The following LHFPL6 variants were observed in gnomAD, a reference collection of about 807,000 sequenced individuals.
LHFPL6 encodes LHFPL tetraspan subfamily member 6, also known as LHFPL tetraspan subfamily member 6 protein.
In LHFPL6, 9 loss-of-function variants were observed where a neutral mutation model predicts 20.6. That is an observed-to-expected ratio of 0.44 (90% CI 0.26 to 0.76). The LOEUF (loss-of-function observed/expected upper bound fraction) is 0.76. Among genes scored for constraint, LHFPL6 ranks in the 30% least tolerant of loss-of-function variants. The pLI is 0.20. For synonymous variants in LHFPL6, 105 were observed against 98.7 expected, an observed-to-expected ratio of 1.06 and a Z score of -0.38; for missense variants, 218 against 253.5, an observed-to-expected ratio of 0.86 and a Z score of 0.95.
chr13:39,471,384 T>C (rs984291262), intron 2 of LHFPL6, among the ~76,000 whole-genome samples: 19 of 152,212 alleles, frequency 1.2e-4, no homozygotes, highest in African/African-American at 4.6e-4. Flanking sequence ...TCCTGGAAGA[T>C]ATTAATCAAT....
intron 2 of LHFPL6, among the ~76,000 whole-genome samples, chr13:39,573,056 C>T (rs1276811099): frequency 3.9e-5 from 6 of 152,088 alleles, no homozygotes; most frequent in Admixed American, 6.6e-5. Flanking sequence ...CTAAATGTAC[C>T]GCATACTGTT....
chr13:39,571,902 C>T (rs1440342954), intron 2 of LHFPL6, among the ~76,000 whole-genome samples: 2 of 152,206 alleles, frequency 1.3e-5, no homozygotes, highest in Non-Finnish European at 1.5e-5. Flanking sequence ...AGTGGCTGGC[C>T]GGATCCTACG....
At chr13:39,521,671 T>G (rs1188262054) in intron 2 of LHFPL6, among the ~76,000 whole-genome samples, 1 of 152,186 alleles carries the variant, frequency 6.6e-6, no homozygotes, top group Non-Finnish European at 1.5e-5. Flanking sequence ...TTGTATGCTT[T>G]CCTCAGATTA....
chr13:39,376,723 C>T (rs1870302948), intron 3 of LHFPL6, among the ~76,000 whole-genome samples: 1 of 152,016 alleles, frequency 6.6e-6, no homozygotes, highest in African/African-American at 2.4e-5. Context: ...GATCAATTCC[C>T]TCACAATTTT....
intron 2 of LHFPL6, among the ~76,000 whole-genome samples, chr13:39,393,921 T>C (rs1433503807): frequency 9.2e-5 from 14 of 152,180 alleles, no homozygotes; most frequent in Admixed American, 8.5e-4. Context: ...CTAATGTCTC[T>C]TTGTAAGTCC....
intron 2 of LHFPL6, among the ~76,000 whole-genome samples, chr13:39,562,683 CACACACACACACATAT>C (rs1871576288): frequency 6.7e-6 from 1 of 148,286 alleles, no homozygotes. Flanking sequence ...CATATATACA[CACACACACACACATAT>C]ATATATATAC....
intron 2 of LHFPL6, among the ~76,000 whole-genome samples, chr13:39,435,236 A>G (rs1306349938): frequency 1.3e-5 from 2 of 152,068 alleles, no homozygotes; most frequent in African/African-American, 4.8e-5. Flanking sequence ...TTTAATGAAA[A>G]TATTTCACTT....
intron 2 of LHFPL6, among the ~76,000 whole-genome samples, chr13:39,519,951 C>G (rs1433278716): frequency 1.3e-5 from 2 of 152,146 alleles, no homozygotes; most frequent in East Asian, 3.8e-4. Flanking sequence ...ACCGGAGCCA[C>G]CAGATGTAGG....
chr13:39,477,751 A>T (rs1237112439), intron 2 of LHFPL6, among the ~76,000 whole-genome samples: 1 of 152,224 alleles, frequency 6.6e-6, no homozygotes, highest in Non-Finnish European at 1.5e-5. Flanking sequence ...GTGAGAAGAG[A>T]ATGTAACTTT....
chr13:39,541,349 C>G (rs1255668266), intron 2 of LHFPL6, among the ~76,000 whole-genome samples: 1 of 152,178 alleles, frequency 6.6e-6, no homozygotes, highest in African/African-American at 2.4e-5. Context: ...ATAAGCAAAA[C>G]TCAATTCTGC....
At chr13:39,463,442 A>C (rs1872731934) in intron 2 of LHFPL6, among the ~76,000 whole-genome samples, 2 of 152,224 alleles carry the variant, frequency 1.3e-5, no homozygotes, top group African/African-American at 4.8e-5. Context: ...TAGAAGAATA[A>C]TATTGATTAT....
chr13:39,350,463 A>G (rs999961393), intron 3 of LHFPL6, among the ~76,000 whole-genome samples: 5 of 152,248 alleles, frequency 3.3e-5, no homozygotes, highest in African/African-American at 1.2e-4. Context: ...GTGTTTCTGC[A>G]TACTCTTCAT....
At chr13:39,401,241 A>C (rs1456953872) in intron 2 of LHFPL6, among the ~76,000 whole-genome samples, 1 of 152,216 alleles carries the variant, frequency 6.6e-6, no homozygotes, top group East Asian at 1.9e-4. Flanking sequence ...CAGACACCAA[A>C]GTCATTTGCA....
intron 2 of LHFPL6, among the ~76,000 whole-genome samples, chr13:39,396,924 A>G (rs1408900910): frequency 6.6e-6 from 1 of 152,124 alleles, no homozygotes; most frequent in African/African-American, 2.4e-5. Context: ...AGAAGCTAGG[A>G]AGAGGCAAGG....
intron 2 of LHFPL6, among the ~76,000 whole-genome samples, chr13:39,496,624 C>T (rs947084212): frequency 3.3e-5 from 5 of 152,160 alleles, no homozygotes; most frequent in African/African-American, 1.2e-4. Context: ...CTGGAGAAAA[C>T]AGGCTGGATA....
chr13:39,408,716 T>C (rs1389162067), intron 2 of LHFPL6, among the ~76,000 whole-genome samples: 2 of 152,242 alleles, frequency 1.3e-5, no homozygotes, highest in Non-Finnish European at 2.9e-5. Flanking sequence ...AAACAGCCGA[T>C]GCCTTCTGTC....
intron 2 of LHFPL6, among the ~76,000 whole-genome samples, chr13:39,511,466 T>TAA (rs67885553): frequency 2.8e-5 from 4 of 140,832 alleles, no homozygotes; most frequent in Non-Finnish European, 4.7e-5. Context: ...TTTAAATTCT[T>TAA]AAAAAAAAAA....
chr13:39,496,152 C>T (rs1387770396), intron 2 of LHFPL6, among the ~76,000 whole-genome samples: 1 of 152,164 alleles, frequency 6.6e-6, no homozygotes, highest in Non-Finnish European at 1.5e-5. Flanking sequence ...AAATACCATA[C>T]CCCGAGTAAC....
intron 3 of LHFPL6, among the ~76,000 whole-genome samples, chr13:39,355,819 T>C (rs546617581): frequency 1.3e-5 from 2 of 152,206 alleles, no homozygotes. Context: ...AAGGGTTCAA[T>C]TCAACAAGAA....
Sources: allele counts gnomAD v4.1 joint callset (sites outside exome capture counted in the v4.1 genomes callset), GRCh38; gene constraint gnomAD v4.1.1; transcripts MANE v1.5; gene names NCBI Gene and HGNC (gene_info 2026-07-23, HGNC 2026-07-21).